The following RAB33B variants were observed in gnomAD, a reference collection of about 807,000 sequenced individuals.
RAB33B encodes the protein RAB33B, member RAS oncogene family.
RAB33B carries 6 observed loss-of-function variants against 15.0 expected under a neutral mutation model. That is an observed-to-expected ratio of 0.40 (90% CI 0.22 to 0.79). RAB33B has a LOEUF of 0.79. Among genes scored for constraint, RAB33B ranks in the 30% least tolerant of loss-of-function variants. RAB33B has a pLI of 0.37. For missense variants in RAB33B, 257 were observed against 296.4 expected (o/e 0.87, Z 0.98); for synonymous variants, 117 against 108.3 (o/e 1.08, Z -0.50).
In RAB33B at chr4:139,462,933, TG is replaced by T. The variant is rs762995565; in HGVS notation, c.249+8492del. Among the ~76,000 whole-genome samples the T allele has an allele frequency of 1.6e-4, 24 of 152,266 alleles. No homozygotes were observed. The South Asian group carries it at 1.7e-3, about 11-fold the overall frequency. On this transcript the variant is annotated intron_variant, in intron 1 of 1. Transcript: ENST00000305626. The stretch of plus-strand genomic sequence containing the variant: ...GCTCATGCATGTAATCTCAGCACTT[TG>T]GGAGGCCGATCAGTTGAGCCGAGGA...
intron 1 of RAB33B, among the ~76,000 whole-genome samples, chr4:139,459,789 C>A (rs1175506426): frequency 6.6e-6 from 1 of 151,950 alleles, no homozygotes; most frequent in East Asian, 1.9e-4. Flanking sequence ...GCCTGCCACC[C>A]CACCCCGCTA....
Position 139,464,100 on chromosome 4 carries a change from A to AC in RAB33B, c.250-8579dup, listed in dbSNP as rs201423959. On this transcript the variant is annotated intron_variant, in intron 1 of 1. Transcript: ENST00000305626. ...CCAGCCTGGGCAACATAGTGTGACCACCCCCCCACTGTCTCTACAAAAAGT... is the reference window on the plus strand; with the variant it reads ...CCAGCCTGGGCAACATAGTGTGACCACCCCCCCCACTGTCTCTACAAAAAGT... Among the ~76,000 whole-genome samples, 1,289 of 151,756 alleles carry AC rather than the reference A, an allele frequency of 8.5e-3. 22 individuals carry two copies. Among genetic ancestry groups the AC allele is most frequent in the African/African-American group, 0.03 (1,234 of 41,328 alleles).
In RAB33B at chr4:139,473,317, C is replaced by A; in HGVS notation, c.*191C>A. ...TGACAACACAGGAAAAGTTGGTTTT[C>A]AGGTGAGATTGAAAATGAAGCAAAG... is the stretch of plus-strand genomic sequence containing the variant. On this transcript the variant is annotated 3_prime_UTR_variant, in exon 2 of 2. Coordinates refer to ENST00000305626, the MANE Select transcript of RAB33B (RefSeq NM_031296.3). 1.8e-6 allele frequency: 1 copy of A among 560,162 alleles called. No homozygotes were observed. The highest frequency in any genetic ancestry group is 3.1e-6 in the Non-Finnish European group (1 of 326,830). The allele number at this position is 560,162 out of a possible 1,614,324, so 34.7% of individuals were successfully genotyped here.
chr4:139,471,793 C>G (rs576331132), intron 1 of RAB33B, among the ~76,000 whole-genome samples: 1 of 152,084 alleles, frequency 6.6e-6, no homozygotes, highest in Admixed American at 6.6e-5. Context: ...CTTTAGGTAT[C>G]GTATCTTAAG....
At position 139,472,928 on chromosome 4, in the gene RAB33B, A is replaced by G. The variant is rs1463690942; in HGVS notation, c.492A>G (p.Gln164=). 6.8e-6 allele frequency: 11 copies of G among 1,614,108 alleles called. No individual in the cohort carries two copies. The highest frequency in any genetic ancestry group is 1.1e-5 in the South Asian group (1 of 91,096). Residue 164 remains glutamine, a synonymous_variant, in exon 2 of 2, where the codon CAA becomes CAG. Transcript: ENST00000305626. ...SAIQVPTDLA[Q]KFADTHSMPL... ...TACAGGTACCCACAGACTTGGCACA[A>G]AAATTTGCTGACACACACAGTATGC...
Position 139,475,099 on chromosome 4 carries a change from G to A in RAB33B, c.*1973G>A, listed in dbSNP as rs1009932150. 1.3e-5 allele frequency: 2 copies of A among 152,014 alleles called. No homozygotes were observed. Among genetic ancestry groups the A allele is most frequent in the African/African-American group, 2.4e-5 (1 of 41,424 alleles). 9.4% of individuals were successfully genotyped at this position (152,014 alleles called of 1,614,324 possible). On this transcript the variant is annotated 3_prime_UTR_variant, in exon 2 of 2. Coordinates refer to ENST00000305626, the MANE Select transcript of RAB33B (RefSeq NM_031296.3). ...CAAATTGGCTTTATTTGCATTTAGG[G>A]AGATCATGTTTTCTTAATCATGCTG... is the stretch of plus-strand genomic sequence containing the variant.
chr4:139,449,991 G>A (rs1330614036), upstream of RAB33B: 3 of 152,076 alleles, frequency 2.0e-5, no homozygotes, highest in Non-Finnish European at 2.9e-5. Flanking sequence ...TGAAGTCCAG[G>A]CCAAGCACCT....
intron 1 of RAB33B, among the ~76,000 whole-genome samples, chr4:139,461,923 A>G (rs1050904460): frequency 1.3e-5 from 2 of 151,954 alleles, no homozygotes; most frequent in Non-Finnish European, 2.9e-5. Flanking sequence ...AAAATTTCAT[A>G]TATACGTATA....
chr4:139,454,543 A>G, intron 1 of RAB33B, 99 bp downstream of exon 1: 1 of 1,344,764 alleles, frequency 7.4e-7, no homozygotes, highest in South Asian at 1.4e-5. Flanking sequence ...TGTGCGCTCC[A>G]TTTTTTTCTC....
At chr4:139,471,372 GCT>G (rs1301066343) in intron 1 of RAB33B, among the ~76,000 whole-genome samples, 1 of 152,120 alleles carries the variant, frequency 6.6e-6, no homozygotes, top group Non-Finnish European at 1.5e-5. Flanking sequence ...GCCCAGAGAG[GCT>G]CTCTGTACCA....
chr4:139,459,014 T>G (rs947875568), intron 1 of RAB33B, among the ~76,000 whole-genome samples: 1 of 152,152 alleles, frequency 6.6e-6, no homozygotes, highest in Admixed American at 6.5e-5. Flanking sequence ...TTAGTGATGT[T>G]GAGCATTTTT....
upstream of RAB33B, chr4:139,451,723 G>A (rs771948286): frequency 6.6e-6 from 1 of 152,068 alleles, no homozygotes; most frequent in Non-Finnish European, 1.5e-5. Context: ...TATTACAAAA[G>A]TATCTTTACA....
intron 1 of RAB33B, among the ~76,000 whole-genome samples, chr4:139,461,175 TG>T (rs1750164706): frequency 6.6e-6 from 1 of 152,206 alleles, no homozygotes; most frequent in African/African-American, 2.4e-5. Context: ...TCCTAAACTA[TG>T]GTAGTGACAG....
At chr4:139,453,406 C>G (rs1280950023), upstream of RAB33B, 1 of 152,380 alleles carries the variant, frequency 6.6e-6, no homozygotes, top group Non-Finnish European at 1.5e-5. Flanking sequence ...CACAGCAATG[C>G]GCCTGCCAAG....
chr4:139,464,774 A>T (rs1444318902), intron 1 of RAB33B, among the ~76,000 whole-genome samples: 2 of 152,130 alleles, frequency 1.3e-5, no homozygotes, highest in Non-Finnish European at 2.9e-5. Flanking sequence ...ACATTTTCTT[A>T]ATACAGTCTA....
At position 139,454,220 on chromosome 4, in the gene RAB33B, C is replaced by T. The variant is rs1165656260; in HGVS notation, c.25C>T (p.Leu9Phe). The change falls in exon 1 of 2, where the codon CTC becomes TTC. Residue 9 changes from leucine to phenylalanine, a missense_variant. By Grantham distance (22) the Leu-to-Phe change is conservative. Coordinates refer to ENST00000305626, the MANE Select transcript of RAB33B (RefSeq NM_031296.3). MAEEMESSLEASFSSSGAV... is the reference protein window; with the variant it reads MAEEMESSFEASFSSSGAV... Reference sequence around the variant, plus strand: ...AATGGCTGAGGAGATGGAGTCGTCGCTCGAGGCAAGCTTTTCGTCCAGCGG... The same window carrying T: ...AATGGCTGAGGAGATGGAGTCGTCGTTCGAGGCAAGCTTTTCGTCCAGCGG... The T allele has an allele frequency of 1.1e-5, 17 of 1,613,714 alleles. No individual in the cohort carries two copies. Among genetic ancestry groups the T allele is most frequent in the Non-Finnish European group, 1.4e-5 (17 of 1,179,750 alleles).
At chr4:139,443,567 A>C in the RAB33B span, among the ~76,000 whole-genome samples, 1 of 152,194 alleles carries the variant, frequency 6.6e-6, no homozygotes, top group African/African-American at 2.4e-5. Flanking sequence ...GAAAGAACTG[A>C]AATTGTGGAA....
At chr4:139,445,973 C>T in the RAB33B span, among the ~76,000 whole-genome samples, 1 of 152,284 alleles carries the variant, frequency 6.6e-6, no homozygotes, top group South Asian at 2.1e-4. Context: ...GAACGTTTGA[C>T]TATGTGTCAT....
chr4:139,444,125 G>A, the RAB33B span, among the ~76,000 whole-genome samples: 1 of 152,172 alleles, frequency 6.6e-6, no homozygotes, highest in Non-Finnish European at 1.5e-5. Context: ...GGACAATGGT[G>A]GAAGGAACAC....
Sources: gnomAD v4.1 joint callset for allele counts (sites outside exome capture counted in the v4.1 genomes callset) on GRCh38, gnomAD v4.1.1 for gene constraint, MANE v1.5 for transcripts, NCBI Gene and HGNC (gene_info 2026-07-23, HGNC 2026-07-21) for gene names.